Variants in CELF4 observed in about 807,000 individuals in gnomAD.
The protein encoded by CELF4 is CUG-BP- and ETR-3-like factor 4.
Under a neutral mutation model 59.9 loss-of-function variants are expected in CELF4, and 18 were observed. That is an observed-to-expected ratio of 0.30 (90% CI 0.21 to 0.45). CELF4 has a LOEUF of 0.45. CELF4 is among the 20% of genes least tolerant of loss of function. The pLI, the probability that CELF4 is intolerant of heterozygous loss-of-function variation, is 1.00. For synonymous variants in CELF4, 261 were observed against 267.1 expected, an observed-to-expected ratio of 0.98 and a Z score of 0.22; for missense variants, 456 against 689.0, an observed-to-expected ratio of 0.66 and a Z score of 3.79.
At chr18:37,278,408 T>G (rs577900111) in intron 3 of CELF4, among the ~76,000 whole-genome samples, 1 of 152,346 alleles carries the variant, frequency 6.6e-6, no homozygotes, top group Non-Finnish European at 1.5e-5. Flanking sequence ...TTGGGTATTG[T>G]GGCTTGTGCG....
At position 37,274,046 on chromosome 18, in the gene CELF4, C is replaced by T; in HGVS notation, c.801+265G>A. On this transcript the variant is annotated intron_variant, in intron 6 of 12. Coordinates refer to ENST00000420428, the MANE Select transcript of CELF4 (RefSeq NM_020180.4). ...AGAGGAAAAGGCTCAGGGTAACCCA[C>T]TTTTCTGTGGGGCCTCTCTCAGCTC... The T allele has an allele frequency of 3.0e-6, 4 of 1,312,878 alleles. 1 individual carries two copies. The South Asian group carries it at 7.6e-5, about 25-fold the overall frequency. The allele number at this position is 1,312,878 out of a possible 1,614,324, so 81.3% of individuals were successfully genotyped here.
At chr18:37,384,012 G>C (rs1011348560) in intron 2 of CELF4, among the ~76,000 whole-genome samples, 2 of 152,178 alleles carry the variant, frequency 1.3e-5, no homozygotes, top group Admixed American at 1.3e-4. Context: ...CTGCACTGAC[G>C]GCTCCTCCAC....
At chr18:37,390,285 C>CA (rs1344064646) in intron 2 of CELF4, among the ~76,000 whole-genome samples, 1 of 152,180 alleles carries the variant, frequency 6.6e-6, no homozygotes, top group African/African-American at 2.4e-5. Context: ...TTCCAGGACG[C>CA]CCCCGACAGC....
intron 1 of CELF4, among the ~76,000 whole-genome samples, chr18:37,492,014 G>A (rs1486541905): frequency 6.6e-6 from 1 of 152,200 alleles, no homozygotes; most frequent in African/African-American, 2.4e-5. Context: ...GGAAGGGAAG[G>A]TTCCCGATGT....
Position 37,548,558 on chromosome 18 carries a change from G to A in CELF4, c.286+16798C>T, listed in dbSNP as rs2099982177. On this transcript the variant is annotated intron_variant, in intron 1 of 12. Transcript: ENST00000420428. ...GCCTTTGTGCCGCCCCTTATGTGCTGTTTCCGATAGTGAGCCGGACCCTCA... is the reference window on the plus strand; with the variant it reads ...GCCTTTGTGCCGCCCCTTATGTGCTATTTCCGATAGTGAGCCGGACCCTCA... 3.3e-5 allele frequency among the ~76,000 whole-genome samples: 5 copies of A among 152,284 alleles called. No homozygotes were observed. The South Asian group carries it at 1.0e-3, about 32-fold the overall frequency.
At chr18:37,298,233 T>C (rs1034470541) in intron 3 of CELF4, among the ~76,000 whole-genome samples, 10 of 152,094 alleles carry the variant, frequency 6.6e-5, no homozygotes, top group Non-Finnish European at 1.5e-5. Context: ...CAGATGCTGG[T>C]TCTTCCAAGG....
intron 2 of CELF4, among the ~76,000 whole-genome samples, chr18:37,374,287 C>G (rs897836426): frequency 1.3e-5 from 2 of 152,206 alleles, no homozygotes; most frequent in Non-Finnish European, 2.9e-5. Context: ...CTGCACCCAG[C>G]GAGTTTGGGG....
At chr18:37,397,422 GCAGGACCATCTGGGTTGCCCTGGGTACC>G (rs2099258534) in intron 2 of CELF4, among the ~76,000 whole-genome samples, 1 of 152,204 alleles carries the variant, frequency 6.6e-6, no homozygotes, top group Admixed American at 6.5e-5. Flanking sequence ...CTGGGCAAGG[GCAGGACCATCTGGGTTGCCCTGGGTACC>G]CAGGACCATC....
intron 2 of CELF4, among the ~76,000 whole-genome samples, chr18:37,479,878 C>T (rs2099861477): frequency 6.6e-6 from 1 of 152,180 alleles, no homozygotes; most frequent in South Asian, 2.1e-4. Flanking sequence ...GATATGACTG[C>T]TGTCTTCATA....
At position 37,297,772 on chromosome 18, in the gene CELF4, C is replaced by T. The variant is rs927463753; in HGVS notation, c.449-22529G>A. The stretch of plus-strand genomic sequence containing the variant: ...TCACCACTTTTTGGTTCTGCCTGTT[C>T]TAAAACTTCGTACATTAATCTAGTT... On this transcript the variant is annotated intron_variant, in intron 3 of 12. Transcript: ENST00000420428. 2.0e-5 allele frequency among the ~76,000 whole-genome samples: 3 copies of T among 152,242 alleles called. No individual in the cohort carries two copies. In the East Asian group the frequency reaches 5.8e-4, roughly 29 times the overall value.
At chr18:37,446,008 G>A (rs1179320342) in intron 2 of CELF4, among the ~76,000 whole-genome samples, 1 of 152,210 alleles carries the variant, frequency 6.6e-6, no homozygotes, top group Admixed American at 6.5e-5. Context: ...TACAGAGAAT[G>A]AGAAGGAGGC....
At chr18:37,386,597 T>A (rs1048967414) in intron 2 of CELF4, among the ~76,000 whole-genome samples, 1 of 152,120 alleles carries the variant, frequency 6.6e-6, no homozygotes, top group Non-Finnish European at 1.5e-5. Flanking sequence ...TTAGAAAAAG[T>A]CAAAATAGAA....
chr18:37,509,362 T>G (rs1346918442), intron 1 of CELF4, among the ~76,000 whole-genome samples: 1 of 152,168 alleles, frequency 6.6e-6, no homozygotes, highest in Non-Finnish European at 1.5e-5. Context: ...GGGAAAGCCA[T>G]GTGTGTGTGG....
At chr18:37,361,039 C>A (rs1377786090) in intron 2 of CELF4, among the ~76,000 whole-genome samples, 1 of 152,028 alleles carries the variant, frequency 6.6e-6, no homozygotes, top group Non-Finnish European at 1.5e-5. Context: ...AGCAGCCATG[C>A]CCCTCCCCAC....
chr18:37,416,824 T>A (rs1034065442), intron 2 of CELF4, among the ~76,000 whole-genome samples: 1 of 152,112 alleles, frequency 6.6e-6, no homozygotes, highest in African/African-American at 2.4e-5. Context: ...AAGGCGGGAA[T>A]GCACTTCTGC....
intron 2 of CELF4, among the ~76,000 whole-genome samples, chr18:37,480,388 G>T (rs1423049334): frequency 2.0e-5 from 3 of 152,204 alleles, no homozygotes; most frequent in African/African-American, 7.2e-5. Context: ...CCGATCACTA[G>T]AAATTGTAAA....
chr18:37,525,473 G>A (rs1280833163), intron 1 of CELF4, among the ~76,000 whole-genome samples: 1 of 152,102 alleles, frequency 6.6e-6, no homozygotes, highest in East Asian at 1.9e-4. Context: ...TGTCTGCATA[G>A]GTTTGGGTTC....
chr18:37,410,159 G>A (rs556529001), intron 2 of CELF4, among the ~76,000 whole-genome samples: 7 of 152,266 alleles, frequency 4.6e-5, no homozygotes, highest in African/African-American at 1.4e-4. Context: ...GAAGAGCAAA[G>A]CTGGACTCTC....
intron 1 of CELF4, among the ~76,000 whole-genome samples, chr18:37,556,518 T>A (rs1475080914): frequency 6.6e-6 from 1 of 152,198 alleles, no homozygotes; most frequent in Non-Finnish European, 1.5e-5. Context: ...GTAGAAGGCA[T>A]GCTTTTTGTG....
Sources: gnomAD v4.1 joint callset for allele counts (sites outside exome capture counted in the v4.1 genomes callset) on GRCh38, gnomAD v4.1.1 for gene constraint, MANE v1.5 for transcripts, NCBI Gene and HGNC (gene_info 2026-07-23, HGNC 2026-07-21) for gene names.